Variants in SSX2IP observed in about 807,000 individuals in gnomAD.
SSX2IP encodes SSX family member 2 interacting protein.
In SSX2IP, 55 loss-of-function variants were observed where a neutral mutation model predicts 84.9. That is an observed-to-expected ratio of 0.65 (90% confidence interval 0.52 to 0.81). The LOEUF (loss-of-function observed/expected upper bound fraction) is 0.81. SSX2IP is among the 30% of genes least tolerant of loss of function. The pLI, the probability that SSX2IP is intolerant of heterozygous loss-of-function variation, is 0.00. For synonymous variants in SSX2IP, 239 were observed against 234.7 expected (o/e 1.02, Z -0.17); for missense variants, 664 against 705.2 (o/e 0.94, Z 0.66).
Position 84,662,294 on chromosome 1 carries a change from A to G in SSX2IP, c.831T>C (p.Leu277=). The change falls in exon 8 of 14, where the codon CTT becomes CTC. Residue 277 remains leucine, a synonymous_variant. Transcript: ENST00000342203. ...TTTTCATTTGTTGAAGAACCTTCTT[A>G]AGTTCTGCATTTTCCATTAGGATTT... The part of the protein sequence containing the change: ...QKQILMENAE[L]KKVLQQMKKE... The G allele has an allele frequency of 6.2e-7, 1 of 1,609,426 alleles. No individual in the cohort carries two copies. The highest frequency in any genetic ancestry group is 8.5e-7 in the Non-Finnish European group (1 of 1,177,230).
intron 1 of SSX2IP, among the ~76,000 whole-genome samples, chr1:84,686,684 G>C (rs1206063962): frequency 6.6e-6 from 1 of 152,160 alleles, no homozygotes; most frequent in African/African-American, 2.4e-5. Context: ...AGACACAAGA[G>C]ATACAAAGAG....
chr1:84,673,688 A>C (rs1653900737), intron 1 of SSX2IP, among the ~76,000 whole-genome samples: 2 of 152,230 alleles, frequency 1.3e-5, no homozygotes, highest in Admixed American at 1.3e-4. Context: ...AGAAACAGGC[A>C]GATGAATTAG....
chr1:84,664,535 A>G lies in SSX2IP; in HGVS notation c.555T>C (p.Asn185=). Residue 185 remains asparagine (N), a synonymous_variant, in exon 6 of 14, where the codon AAT becomes AAC. Transcript: ENST00000342203. ...NEKDEVQKLQ[N]IIASRATQYN... The stretch of plus-strand genomic sequence containing the variant: ...ACTGAGTAGCTCGACTTGCAATGAT[A>G]TTTTGTAATTTTTGCACCTGAAAAA... 4 of 1,573,728 alleles carry G rather than the reference A, an allele frequency of 2.5e-6. No individual in the cohort carries two copies. Among genetic ancestry groups the G allele is most frequent in the East Asian group, 4.7e-5 (2 of 42,324 alleles).
In SSX2IP at chr1:84,670,822, GAAT is replaced by G; in HGVS notation, c.44-10_44-8del. 1 of 1,593,794 alleles carries G rather than the reference GAAT, an allele frequency of 6.3e-7. No homozygotes were observed. The highest frequency in any genetic ancestry group is 1.2e-5 in the South Asian group (1 of 86,536). ...TGAGAGATAGTTTTGCTTTCTGAAA[GAAT>G]AAAAGGCATCTATATAAATAATTTA... is the stretch of plus-strand genomic sequence containing the variant. On this transcript the variant is annotated splice_polypyrimidine_tract_variant and splice_region_variant and intron_variant, in intron 2 of 13. Transcript: ENST00000342203.
At chr1:84,657,552 T>C (rs547896258) in intron 9 of SSX2IP, among the ~76,000 whole-genome samples, 63 of 151,126 alleles carry the variant, frequency 4.2e-4, no homozygotes, top group Non-Finnish European at 7.5e-4. Flanking sequence ...TTCTTGATTT[T>C]TGAGAGTCAG....
intron 1 of SSX2IP, among the ~76,000 whole-genome samples, chr1:84,674,594 C>T (rs914263613): frequency 2.0e-5 from 3 of 152,080 alleles, no homozygotes; most frequent in South Asian, 2.1e-4. Context: ...AGAAAGAACA[C>T]CAAAATGTGT....
At chr1:84,671,703 A>C (rs1447847396) in intron 1 of SSX2IP, among the ~76,000 whole-genome samples, 1 of 152,174 alleles carries the variant, frequency 6.6e-6, no homozygotes, top group Non-Finnish European at 1.5e-5. Context: ...GTTTGTTTTT[A>C]CCAACTATAT....
At chr1:84,652,796 C>T (rs184285645) in intron 11 of SSX2IP, among the ~76,000 whole-genome samples, 197 of 151,488 alleles carry the variant, frequency 1.3e-3, no homozygotes, top group African/African-American at 4.3e-3. Flanking sequence ...GAGGCCAAGG[C>T]GGGTGGATCA....
In SSX2IP at chr1:84,647,651, T is replaced by G. The variant is rs1649637512; in HGVS notation, c.1671-44A>C. The G allele has an allele frequency of 4.2e-6, 6 of 1,420,188 alleles. No individual in the cohort carries two copies. In the East Asian group the frequency reaches 1.5e-4, roughly 37 times the overall value. The allele number at this position is 1,420,188 out of a possible 1,614,324, so 88.0% of individuals were successfully genotyped here. On this transcript the variant is annotated intron_variant, in intron 13 of 13. Coordinates refer to ENST00000342203, the MANE Select transcript of SSX2IP (RefSeq NM_001166293.2). ...CAGATCTTAGTGACTATCCTCTCCT[T>G]CTTTTGTACTTTAACCTCATAATGT...
intron 4 of SSX2IP, among the ~76,000 whole-genome samples, chr1:84,667,110 A>G (rs968312459): frequency 2.0e-5 from 3 of 152,028 alleles, no homozygotes; most frequent in Non-Finnish European, 2.9e-5. Flanking sequence ...TTGGCATGAC[A>G]TAACTTACAG....
chr1:84,683,855 T>A (rs1655422409), intron 1 of SSX2IP, among the ~76,000 whole-genome samples: 1 of 152,114 alleles, frequency 6.6e-6, no homozygotes. Context: ...TTACAAACAG[T>A]GTATCAGTTT....
chr1:84,674,352 T>C (rs925514863), intron 1 of SSX2IP, among the ~76,000 whole-genome samples: 1 of 152,112 alleles, frequency 6.6e-6, no homozygotes, highest in African/African-American at 2.4e-5. Context: ...CTAAAACCTA[T>C]AACAAAATGT....
At chr1:84,685,623 A>T (rs1299263807) in intron 1 of SSX2IP, among the ~76,000 whole-genome samples, 1 of 152,216 alleles carries the variant, frequency 6.6e-6, no homozygotes, top group East Asian at 1.9e-4. Context: ...AAGACTAAAA[A>T]CTAGCTATTT....
At chr1:84,662,889 T>G (rs1401170122) in intron 6 of SSX2IP, among the ~76,000 whole-genome samples, 1 of 152,176 alleles carries the variant, frequency 6.6e-6, no homozygotes, top group East Asian at 1.9e-4. Flanking sequence ...ATTAATTTCA[T>G]TATCAGGGTT....
intron 11 of SSX2IP, 137 bp downstream of exon 11, chr1:84,655,695 T>G (rs1489922704): frequency 7.0e-7 from 1 of 1,429,536 alleles, no homozygotes; most frequent in African/African-American, 1.4e-5. Flanking sequence ...CCCTCTCATT[T>G]CAAATTATTT....
rs1325307246 is a variant in SSX2IP at position 84,655,870 on chromosome 1, G to A, written c.1351C>T (p.Arg451Ter). The change falls in exon 11 of 14, where the codon CGA becomes TGA. Residue 451 changes from arginine to a stop codon, truncating the protein, a stop_gained. Transcript: ENST00000342203. LOFTEE classifies it high-confidence loss of function. The stretch of plus-strand genomic sequence containing the variant: ...CGAATAGCGGCTTCTGTAAAGCTTC[G>A]TCTCTCCCTCTCAAAATTCTTTTTC... ...EQKKNFERER[R>*]SFTEAAIRLG... is the part of the protein sequence containing the mutation. 13 of 1,613,758 alleles carry A rather than the reference G, an allele frequency of 8.1e-6. No homozygotes were observed. The highest frequency in any genetic ancestry group is 1.3e-5 in the African/African-American group (1 of 74,886).
rs1158415384 is a variant in SSX2IP, at chr1:84,646,484, T to C, written c.*949A>G. On this transcript the variant is annotated 3_prime_UTR_variant, in exon 14 of 14. Coordinates refer to ENST00000342203, the MANE Select transcript of SSX2IP (RefSeq NM_001166293.2). ...TGACAATACAAAGCCCTAGTTAGTATACAGATATTACTATACTGGTACCCA... is the reference window on the plus strand; with the variant it reads ...TGACAATACAAAGCCCTAGTTAGTACACAGATATTACTATACTGGTACCCA... 3.3e-5 allele frequency: 5 copies of C among 152,594 alleles called. No homozygotes were observed. The East Asian group carries it at 7.7e-4, about 23-fold the overall frequency. 9.5% of individuals were successfully genotyped at this position (152,594 alleles called of 1,614,324 possible). A position where few individuals can be genotyped will look rare whatever the true frequency, so the allele number is the denominator to read the frequency against.
intron 8 of SSX2IP, among the ~76,000 whole-genome samples, chr1:84,659,796 C>CAA (rs35920871): frequency 8.1e-4 from 104 of 128,614 alleles, no homozygotes; most frequent in East Asian, 1.5e-3. Flanking sequence ...GACTCCATCT[C>CAA]AAAAAAAAAA....
At chr1:84,675,845 C>T (rs2102494009) in intron 1 of SSX2IP, among the ~76,000 whole-genome samples, 1 of 152,272 alleles carries the variant, frequency 6.6e-6, no homozygotes, top group East Asian at 1.9e-4. Context: ...CCTTTCAACT[C>T]ATCTACCTGG....
Sources: allele counts gnomAD v4.1 joint callset (sites outside exome capture counted in the v4.1 genomes callset), GRCh38; gene constraint gnomAD v4.1.1; transcripts MANE v1.5; gene names NCBI Gene and HGNC (gene_info 2026-07-23, HGNC 2026-07-21).